Variants in MEP1A observed in about 807,000 individuals in gnomAD.
MEP1A encodes N-benzoyl-L-tyrosyl-P-amino-benzoic acid hydrolase subunit alpha.
Under a neutral mutation model 84.5 loss-of-function variants are expected in MEP1A, and 68 were observed. The ratio of observed to expected loss-of-function variants is 0.80; its 90% confidence interval spans 0.66 to 0.98. The LOEUF is 0.98. Ranked by LOEUF, MEP1A falls within the 50% of genes least tolerant of loss-of-function variation. The pLI, the probability that MEP1A is intolerant of heterozygous loss-of-function variation, is 0.00. For synonymous variants in MEP1A, 337 were observed against 336.8 expected (o/e 1.00, Z -0.01); for missense variants, 887 against 919.9 (o/e 0.96, Z 0.46).
At chr6:46,843,692 G>T (rs1387989822), downstream of MEP1A, among the ~76,000 whole-genome samples, 1 of 152,190 alleles carries the variant, frequency 6.6e-6, no homozygotes, top group Non-Finnish European at 1.5e-5. Context: ...TGTATACAGT[G>T]TATTTCCTAT....
chr6:46,802,287 C>G (rs1020214302), intron 5 of MEP1A, among the ~76,000 whole-genome samples: 1 of 151,398 alleles, frequency 6.6e-6, no homozygotes. Context: ...AGTGTAGAGA[C>G]CTTGTGTGTC....
At chr6:46,802,007 C>G (rs1233035289) in intron 5 of MEP1A, among the ~76,000 whole-genome samples, 1 of 151,954 alleles carries the variant, frequency 6.6e-6, no homozygotes, top group African/African-American at 2.4e-5. Context: ...TCTAGCTTCA[C>G]AGTTAACCTT....
intron 6 of MEP1A, among the ~76,000 whole-genome samples, chr6:46,816,061 T>G (rs568901212): frequency 6.6e-6 from 1 of 152,142 alleles, no homozygotes; most frequent in African/African-American, 2.4e-5. Flanking sequence ...CTCAGCCTCT[T>G]GAGTAGCTGG....
chr6:46,835,561 G>A lies in MEP1A; in HGVS notation c.2084+12G>A, dbSNP rs377486098. The A allele has an allele frequency of 4.3e-6, 7 of 1,612,466 alleles. No individual in the cohort carries two copies. The highest frequency in any genetic ancestry group is 5.9e-6 in the Non-Finnish European group (7 of 1,179,408). ...ATGGCGAGCTGCAGGTAGGCTCTGT[G>A]GCTGGGGAGACAGGCAGGCCAGCAG... is the stretch of plus-strand genomic sequence containing the variant. On this transcript the variant is annotated intron_variant, in intron 13 of 13. Coordinates refer to ENST00000230588, the MANE Select transcript of MEP1A (RefSeq NM_005588.3).
downstream of MEP1A, among the ~76,000 whole-genome samples, chr6:46,840,875 T>G (rs1768319833): frequency 6.6e-6 from 1 of 152,236 alleles, no homozygotes; most frequent in Non-Finnish European, 1.5e-5. Context: ...TCAGCTTTGT[T>G]TCTCGCTGTG....
intron 6 of MEP1A, among the ~76,000 whole-genome samples, chr6:46,816,580 A>C (rs1767640965): frequency 6.6e-6 from 1 of 151,808 alleles, no homozygotes; most frequent in Non-Finnish European, 1.5e-5. Context: ...AGGAGGAAGA[A>C]GAAGGGGAGG....
chr6:46,809,950 A>G (rs576699970), intron 6 of MEP1A, among the ~76,000 whole-genome samples: 2 of 151,708 alleles, frequency 1.3e-5, no homozygotes, highest in South Asian at 2.1e-4. Context: ...TTTTTCGTAT[A>G]ATGACTTCTT....
downstream of MEP1A, among the ~76,000 whole-genome samples, chr6:46,844,684 A>C (rs964441533): frequency 9.9e-5 from 15 of 152,160 alleles, no homozygotes; most frequent in African/African-American, 3.4e-4. Context: ...CCCCAACAAA[A>C]ATGGTCACCA....
chr6:46,809,744 A>G (rs996791291), intron 6 of MEP1A, among the ~76,000 whole-genome samples: 2 of 151,940 alleles, frequency 1.3e-5, no homozygotes, highest in Non-Finnish European at 2.9e-5. Flanking sequence ...AACTCCATCC[A>G]GGTTGCTGTG....
chr6:46,795,402 G>A (rs1767029062), intron 3 of MEP1A, among the ~76,000 whole-genome samples: 1 of 152,098 alleles, frequency 6.6e-6, no homozygotes, highest in South Asian at 2.1e-4. Flanking sequence ...CTGGGTTCAA[G>A]CGAGTCTCCT....
intron 13 of MEP1A, among the ~76,000 whole-genome samples, chr6:46,836,487 C>T (rs191139139): frequency 5.5e-4 from 83 of 152,278 alleles, no homozygotes; most frequent in Admixed American, 2.1e-3. Flanking sequence ...AAAAATACTA[C>T]AGAGGTTTTC....
rs748043203 is a variant in MEP1A, at chr6:46,825,306, C to T, written c.591C>T (p.Ser197=). The change falls in exon 8 of 14, where the codon AGC becomes AGT. Residue 197 remains serine, a synonymous_variant. Transcript: ENST00000230588. ...YQHNFDTYDD[S]LITDLNTPYD... The stretch of plus-strand genomic sequence containing the variant: ...ACAACTTTGACACCTATGATGATAG[C>T]TTAATCACAGACCTCAATACACCCT... 2 of 1,613,346 alleles carry T rather than the reference C, an allele frequency of 1.2e-6. No homozygotes were observed. The highest frequency in any genetic ancestry group is 2.2e-5 in the East Asian group (1 of 44,838).
At chr6:46,835,137 A>C in intron 12 of MEP1A, 112 bp from the exon 13 acceptor site, 1 of 933,866 alleles carries the variant, frequency 1.1e-6, no homozygotes, top group Non-Finnish European at 1.6e-6. Flanking sequence ...TTTCCATGTC[A>C]CTAGGGGTGA....
rs377265712 is a variant in MEP1A, at chr6:46,831,725, G to C, written c.1145-1349G>C. 3.9e-5 allele frequency among the ~76,000 whole-genome samples: 6 copies of C among 152,208 alleles called. No individual in the cohort carries two copies. In the East Asian group the frequency reaches 9.6e-4, roughly 24 times the overall value. ...CCTATTCTCTTGACAGAATTCCCAT[G>C]ATCTATAACCTGCTGGATAAATAGT... On this transcript the variant is annotated intron_variant, in intron 10 of 13. Transcript: ENST00000230588.
At chr6:46,835,640 G>T (rs1221867890) in intron 13 of MEP1A, 91 bp downstream of exon 13, 93 of 1,339,382 alleles carry the variant, frequency 6.9e-5, no homozygotes, top group Non-Finnish European at 9.5e-5. Context: ...TGCAGAGTAG[G>T]GCGAAGACTA....
chr6:46,819,842 G>T, intron 7 of MEP1A, 138 bp downstream of exon 7: 1 of 957,504 alleles, frequency 1.0e-6, no homozygotes. Context: ...TGATTTGTTG[G>T]CCCTTTATGT....
At chr6:46,795,555 T>A (rs879534834) in intron 3 of MEP1A, among the ~76,000 whole-genome samples, 3 of 152,076 alleles carry the variant, frequency 2.0e-5, no homozygotes, top group African/African-American at 4.8e-5. Context: ...CACCTTAGCC[T>A]CCCAAAGTGC....
At chr6:46,807,827 GAAAGA>G (rs1562107137) in intron 5 of MEP1A, among the ~76,000 whole-genome samples, 6 of 149,970 alleles carry the variant, frequency 4.0e-5, no homozygotes, top group East Asian at 3.9e-4. Flanking sequence ...AAGAAAGAAA[GAAAGA>G]AAGAAAGGAA....
In MEP1A at chr6:46,807,784, A is replaced by AAAGAAAGG. The variant is rs1554189025; in HGVS notation, c.263-1629_263-1628insGAAGAAAG. The stretch of plus-strand genomic sequence containing the variant: ...GAAGGGAGAAAGGAAAGAAAGAAAG[A>AAAGAAAGG]AAGAAAGAAAGAAAGAAAGAAAGAA... On this transcript the variant is annotated intron_variant, in intron 5 of 13. Transcript: ENST00000230588. Among the ~76,000 whole-genome samples the AAAGAAAGG allele has an allele frequency of 4.5e-3, 499 of 110,442 alleles. 11 individuals are homozygous for AAAGAAAGG. Among genetic ancestry groups the AAAGAAAGG allele is most frequent in the African/African-American group, 0.015 (480 of 32,606 alleles). The allele number at this position is 110,442 out of a possible 152,430, so 72.5% of individuals were successfully genotyped here.
Sources: allele counts gnomAD v4.1 joint callset (sites outside exome capture counted in the v4.1 genomes callset), GRCh38; gene constraint gnomAD v4.1.1; transcripts MANE v1.5; gene names NCBI Gene and HGNC (gene_info 2026-07-23, HGNC 2026-07-21).